Variants in ZFAND2A observed in about 807,000 individuals in gnomAD.
The protein encoded by ZFAND2A is zinc finger AN1-type containing 2A.
ZFAND2A carries 20 observed loss-of-function variants against 11.6 expected under a neutral mutation model. The ratio of observed to expected loss-of-function variants is 1.72; its 90% CI spans 1.21 to 2.50. ZFAND2A has a LOEUF of 2.50. ZFAND2A is among the 30% of genes most tolerant of loss of function. ZFAND2A has a pLI of 0.00. For missense variants in ZFAND2A, 234 were observed against 182.9 expected, an observed-to-expected ratio of 1.28 and a Z score of -1.61; for synonymous variants, 93 against 60.6, an observed-to-expected ratio of 1.54 and a Z score of -2.48.
chr7:1,157,661 G>A lies in ZFAND2A; in HGVS notation c.145C>T (p.Gln49Ter). Reference protein sequence around the residue: ...YAAHKCPFAFQKDVHVPVCPL... With the variant: ...YAAHKCPFAF ...TTGAACAAAGGATCAATTACCTTCT[G>A]GAATGCAAACGGACACTTATGTGCA... Residue 49 changes from glutamine (Q) to a stop codon, truncating the protein, a stop_gained, in exon 3 of 5, where the codon CAG (glutamine) becomes TAG (stop). Coordinates refer to ENST00000316495, the MANE Select transcript of ZFAND2A (RefSeq NM_182491.4). LOFTEE classifies it high-confidence loss of function. 1.3e-6 allele frequency: 2 copies of A among 1,576,920 alleles called. No individual in the cohort carries two copies. The highest frequency in any genetic ancestry group is 1.2e-5 in the South Asian group (1 of 83,970).
rs1288474272 is a variant in ZFAND2A at position 1,157,675 on chromosome 7, C to A, written c.131G>T (p.Cys44Phe). 2 of 1,571,150 alleles carry A rather than the reference C, an allele frequency of 1.3e-6. No homozygotes were observed. Among genetic ancestry groups the A allele is most frequent in the Non-Finnish European group, 1.7e-6 (2 of 1,164,516 alleles). ...AATTACCTTCTGGAATGCAAACGGA[C>A]ACTTATGTGCAGCGTATGGAAAATG... ...KDHFPYAAHKCPFAFQKDVHV... is the reference protein window; with the variant it reads ...KDHFPYAAHKFPFAFQKDVHV... Residue 44 changes from cysteine to phenylalanine, a missense_variant, in exon 3 of 5, where the codon TGT becomes TTT. Coordinates refer to ENST00000316495, the MANE Select transcript of ZFAND2A (RefSeq NM_182491.4).
intron 3 of ZFAND2A, 159 bp downstream of exon 3, chr7:1,157,497 C>T (rs1204846311): frequency 1.5e-6 from 1 of 654,306 alleles, no homozygotes; most frequent in Non-Finnish European, 2.6e-6. Flanking sequence ...TACTGCCTAA[C>T]AGCAGGCACC....
downstream of ZFAND2A, among the ~76,000 whole-genome samples, chr7:1,150,887 C>CTTT (rs10568309): frequency 2.3e-4 from 29 of 128,078 alleles, no homozygotes; most frequent in East Asian, 2.6e-3. Context: ...ACAACTGTGC[C>CTTT]TTTTTTTTTT....
chr7:1,150,472 G>C (rs897360150), downstream of ZFAND2A, among the ~76,000 whole-genome samples: 1 of 152,108 alleles, frequency 6.6e-6, no homozygotes, highest in African/African-American at 2.4e-5. Context: ...TAAGTTCCCA[G>C]GAAATCACTG....
rs1479000883 is a variant in ZFAND2A at position 1,152,968 on chromosome 7, A to G, written c.*101T>C. 1 of 1,457,540 alleles carries G rather than the reference A, an allele frequency of 6.9e-7. No homozygotes were observed. The allele number at this position is 1,457,540 out of a possible 1,614,324, so 90.3% of individuals were successfully genotyped here. A position where few individuals can be genotyped will look rare whatever the true frequency, so the allele number is the denominator to read the frequency against. On this transcript the variant is annotated 3_prime_UTR_variant, in exon 5 of 5. Coordinates refer to ENST00000316495, the MANE Select transcript of ZFAND2A (RefSeq NM_182491.4). The stretch of plus-strand genomic sequence containing the variant: ...CCCTCAACAAACAAGATCAGCAGCC[A>G]GTGTGGGATGGTGCTCAATGGGGCT...
In ZFAND2A at chr7:1,155,436, G is replaced by A. The variant is rs1384079231; in HGVS notation, c.282+17C>T. On this transcript the variant is annotated intron_variant, in intron 4 of 4. Coordinates refer to ENST00000316495, the MANE Select transcript of ZFAND2A (RefSeq NM_182491.4). Reference sequence around the variant, plus strand: ...AGGCTTCCCAGATGAAGGAACTGAGGCGGGCTCTGTCCTTACCTTCTCTTT... The same window carrying A: ...AGGCTTCCCAGATGAAGGAACTGAGACGGGCTCTGTCCTTACCTTCTCTTT... 4 of 1,608,466 alleles carry A rather than the reference G, an allele frequency of 2.5e-6. No individual in the cohort carries two copies. Among genetic ancestry groups the A allele is most frequent in the Non-Finnish European group, 3.4e-6 (4 of 1,177,730 alleles).
chr7:1,152,642 TC>T (rs1793421421), downstream of ZFAND2A, among the ~76,000 whole-genome samples: 1 of 152,002 alleles, frequency 6.6e-6, no homozygotes, highest in South Asian at 2.1e-4. Flanking sequence ...ATGACCAGCA[TC>T]CTTACAAAAA....
At chr7:1,159,236 G>C (rs6463493) in intron 1 of ZFAND2A, among the ~76,000 whole-genome samples, 17,722 of 152,108 alleles carry the variant, frequency 0.12, 1,821 homozygotes, top group African/African-American at 0.28. Context: ...AAATTGTTTT[G>C]TTCAAGGAAT....
chr7:1,156,821 C>G (rs1040314686), intron 3 of ZFAND2A, among the ~76,000 whole-genome samples: 9 of 152,214 alleles, frequency 5.9e-5, no homozygotes, highest in Non-Finnish European at 1.0e-4. Flanking sequence ...CGGTCTCCAG[C>G]CAGACCCCAC....
At chr7:1,155,766 T>C in intron 3 of ZFAND2A, 182 bp from the exon 4 acceptor site, 1 of 679,170 alleles carries the variant, frequency 1.5e-6, no homozygotes, top group Non-Finnish European at 2.3e-6. Context: ...CTCTAGAATG[T>C]GGGCATCAGC....
downstream of ZFAND2A, chr7:1,152,433 G>A: frequency 7.0e-7 from 1 of 1,421,832 alleles, no homozygotes; most frequent in Non-Finnish European, 9.3e-7. Context: ...ACTACCACTG[G>A]CCTGGCCCAG....
downstream of ZFAND2A, among the ~76,000 whole-genome samples, chr7:1,151,762 T>TAAAAGGAAAAAAAAAAAAA (rs1554344525): frequency 1.1e-5 from 1 of 87,158 alleles, no homozygotes; most frequent in Non-Finnish European, 2.2e-5. Context: ...TCATCCCTTT[T>TAAAAGGAAAAAAAAAAAAA]AAAAAAAAAA....
downstream of ZFAND2A, chr7:1,152,090 A>T (rs1409650099): frequency 1.1e-6 from 1 of 939,112 alleles, no homozygotes; most frequent in Non-Finnish European, 1.5e-6. Flanking sequence ...CTGCTTCTGT[A>T]ACTTGGGGTC....
At chr7:1,159,790 C>T (rs1460881866) in intron 1 of ZFAND2A, among the ~76,000 whole-genome samples, 174 bp downstream of exon 1, 3 of 100,222 alleles carry the variant, frequency 3.0e-5, no homozygotes, top group Admixed American at 3.0e-4. Context: ...CAGCCAGACC[C>T]CGGCAGGCCC....
rs577449307 is a variant in ZFAND2A, at chr7:1,157,573, C to T, written c.150+83G>A. ...TTTAATTTTCAATGAGTTAGCCATA[C>T]GTCGCTAGTCCCTACCATACCAGCA... On this transcript the variant is annotated intron_variant, in intron 3 of 4. Transcript: ENST00000316495. 96 of 1,310,668 alleles carry T rather than the reference C, an allele frequency of 7.3e-5. 1 individual carries two copies. In the African/African-American group the frequency reaches 1.1e-3, roughly 15 times the overall value. The allele number at this position is 1,310,668 out of a possible 1,614,324, so 81.2% of individuals were successfully genotyped here. A position where few individuals can be genotyped will look rare whatever the true frequency, so the allele number is the denominator to read the frequency against.
chr7:1,157,427 A>C (rs1317469264), intron 3 of ZFAND2A: 3 of 396,014 alleles, frequency 7.6e-6, no homozygotes, highest in African/African-American at 6.3e-5. Flanking sequence ...TGAAAATAAG[A>C]TCTCAGTTGT....
rs761863132 is a variant in ZFAND2A at position 1,153,183 on chromosome 7, T to C, written c.324A>G (p.Lys108=). Residue 108 remains lysine, a synonymous_variant, in exon 5 of 5, where the codon AAA becomes AAG. Coordinates refer to ENST00000316495, the MANE Select transcript of ZFAND2A (RefSeq NM_182491.4). ...YRCSKEGCKK[K]EMLQMVCAQC... ...GGGCACATACCATCTGCAGCATCTC[T>C]TTCTTCTTGCAGCCCTCTTTTGAGC... The C allele has an allele frequency of 9.3e-6, 15 of 1,614,122 alleles. No individual in the cohort carries two copies. The South Asian group carries it at 1.3e-4, about 14-fold the overall frequency.
At chr7:1,159,242 G>A (rs1793614016) in intron 1 of ZFAND2A, among the ~76,000 whole-genome samples, 1 of 152,214 alleles carries the variant, frequency 6.6e-6, no homozygotes, top group African/African-American at 2.4e-5. Context: ...TTTTGTTCAA[G>A]GAATTCACAA....
At chr7:1,151,762 T>TAA (rs530920394), downstream of ZFAND2A, among the ~76,000 whole-genome samples, 5 of 87,156 alleles carry the variant, frequency 5.7e-5, no homozygotes, top group Admixed American at 1.2e-4. Context: ...TCATCCCTTT[T>TAA]AAAAAAAAAA....
Sources: allele counts gnomAD v4.1 joint callset (sites outside exome capture counted in the v4.1 genomes callset), GRCh38; gene constraint gnomAD v4.1.1; transcripts MANE v1.5; gene names NCBI Gene and HGNC (gene_info 2026-07-23, HGNC 2026-07-21).